DOCK9: variants seen among roughly 807,000 people sequenced by gnomAD.
DOCK9 encodes the protein dedicator of cytokinesis 9.
A neutral mutation model predicts 263.3 loss-of-function variants in DOCK9; 89 were observed. The observed-to-expected ratio is 0.34, with a 90% CI of 0.28 to 0.40. The LOEUF (loss-of-function observed/expected upper bound fraction) is 0.40. Ranked by LOEUF, DOCK9 falls within the 10% of genes least tolerant of loss-of-function variation. The pLI is 1.00. For synonymous variants in DOCK9, 976 were observed against 973.1 expected, an observed-to-expected ratio of 1.00 and a Z score of -0.06; for missense variants, 2,140 against 2,603.4, an observed-to-expected ratio of 0.82 and a Z score of 3.87.
intron 38 of DOCK9, among the ~76,000 whole-genome samples, chr13:98,844,858 A>G (rs1292509379): frequency 6.6e-6 from 1 of 152,236 alleles, no homozygotes; most frequent in African/African-American, 2.4e-5. Flanking sequence ...AAGAGGTGTG[A>G]AAAATCACAG....
chr13:99,021,009 A>G (rs900728946), intron 1 of DOCK9, among the ~76,000 whole-genome samples: 4 of 152,234 alleles, frequency 2.6e-5, no homozygotes, highest in African/African-American at 9.6e-5. Context: ...TCCATATCTG[A>G]CAGTCCATAT....
At chr13:98,942,642 G>A (rs2056133195) in intron 2 of DOCK9, among the ~76,000 whole-genome samples, 1 of 152,230 alleles carries the variant, frequency 6.6e-6, no homozygotes, top group South Asian at 2.1e-4. Flanking sequence ...GTCCATCACA[G>A]TTACGTGTTG....
chr13:98,939,001 C>T (rs1352718480), intron 2 of DOCK9, among the ~76,000 whole-genome samples: 2 of 152,172 alleles, frequency 1.3e-5, no homozygotes. Flanking sequence ...GGAGTGTCCT[C>T]CCTCAACAGA....
At chr13:98,958,250 T>G (rs1225736688) in intron 1 of DOCK9, among the ~76,000 whole-genome samples, 1 of 152,236 alleles carries the variant, frequency 6.6e-6, no homozygotes, top group Non-Finnish European at 1.5e-5. Context: ...TAAAAAGCCC[T>G]GCTGCCACCC....
chr13:98,951,647 A>G (rs1050675715), intron 2 of DOCK9, among the ~76,000 whole-genome samples: 5 of 152,176 alleles, frequency 3.3e-5, no homozygotes, highest in African/African-American at 4.8e-5. Flanking sequence ...CAGTGGGGGG[A>G]AAAGTTTCTG....
chr13:98,995,952 AG>A (rs1352657623), intron 1 of DOCK9, among the ~76,000 whole-genome samples: 1 of 152,138 alleles, frequency 6.6e-6, no homozygotes, highest in African/African-American at 2.4e-5. Context: ...GCAGTGGTCC[AG>A]GGGAGAACAG....
At chr13:99,015,258 G>T (rs921876859) in intron 1 of DOCK9, among the ~76,000 whole-genome samples, 13 of 152,118 alleles carry the variant, frequency 8.5e-5, no homozygotes, top group African/African-American at 3.1e-4. Context: ...TAGCTTTGAT[G>T]AATACATGGC....
At chr13:98,933,582 C>G (rs1447730023) in intron 2 of DOCK9, among the ~76,000 whole-genome samples, 1 of 152,196 alleles carries the variant, frequency 6.6e-6, no homozygotes, top group East Asian at 1.9e-4. Flanking sequence ...CAGACAGAGC[C>G]CTTTTTCTCC....
intron 1 of DOCK9, among the ~76,000 whole-genome samples, chr13:98,972,695 T>C (rs181517152): frequency 2.6e-5 from 4 of 152,336 alleles, no homozygotes; most frequent in African/African-American, 7.2e-5. Flanking sequence ...GCTATGCCTA[T>C]GTTAGCTGCT....
At chr13:99,006,053 ATG>A (rs1883285289) in intron 1 of DOCK9, among the ~76,000 whole-genome samples, 1 of 152,278 alleles carries the variant, frequency 6.6e-6, no homozygotes, top group South Asian at 2.1e-4. Flanking sequence ...AAAGATGGTT[ATG>A]TATACCATTT....
At chr13:99,039,312 TG>T (rs1888239724) in intron 1 of DOCK9, among the ~76,000 whole-genome samples, 1 of 151,884 alleles carries the variant, frequency 6.6e-6, no homozygotes, top group Non-Finnish European at 1.5e-5. Flanking sequence ...CTATAATTGA[TG>T]GGTGTGAAAA....
Position 98,837,593 on chromosome 13 carries a change from G to A in DOCK9, c.4215C>T (p.Asp1405=), listed in dbSNP as rs550887221. 21 of 1,612,718 alleles carry A rather than the reference G, an allele frequency of 1.3e-5. No homozygotes were observed. Among genetic ancestry groups the A allele is most frequent in the Admixed American group, 6.7e-5 (4 of 59,970 alleles). ...LTFNHSYGHS[D]ADVLHQSLLE... Reference sequence around the variant, plus strand: ...GTAATGACTGGTGCAGAACATCTGCGTCCGAGTGGCCATAGCCTGCATGAA... The same window carrying A: ...GTAATGACTGGTGCAGAACATCTGCATCCGAGTGGCCATAGCCTGCATGAA... Residue 1405 remains aspartate, a synonymous_variant, in exon 39 of 53, where the codon GAC becomes GAT. Coordinates refer to ENST00000682017, the MANE Select transcript of DOCK9 (RefSeq NM_001366683.2).
At chr13:99,075,970 C>T (rs1277233283) in intron 1 of DOCK9, among the ~76,000 whole-genome samples, 3 of 152,168 alleles carry the variant, frequency 2.0e-5, no homozygotes, top group Non-Finnish European at 4.4e-5. Context: ...AGTGTCATCA[C>T]ACCCAAGCGC....
chr13:98,874,113 A>G (rs1191358447), intron 27 of DOCK9, among the ~76,000 whole-genome samples: 2 of 152,232 alleles, frequency 1.3e-5, no homozygotes, highest in Non-Finnish European at 2.9e-5. Context: ...CCATCACCAC[A>G]GTCAAGAAGA....
intron 39 of DOCK9, chr13:98,834,722 C>A (rs1283879278): frequency 6.6e-6 from 1 of 152,174 alleles, no homozygotes; most frequent in Non-Finnish European, 1.5e-5. Context: ...ATAAAACAAA[C>A]CCTTTTATGT....
intron 1 of DOCK9, among the ~76,000 whole-genome samples, chr13:99,050,116 G>C (rs1265914924): frequency 6.6e-6 from 1 of 152,198 alleles, no homozygotes; most frequent in Non-Finnish European, 1.5e-5. Flanking sequence ...GTTGGATCCT[G>C]TCTAAAATTT....
At chr13:99,025,440 C>T (rs1178005907) in intron 1 of DOCK9, 3 of 152,218 alleles carry the variant, frequency 2.0e-5, no homozygotes, top group South Asian at 2.1e-4. Flanking sequence ...CAAGTCAAAA[C>T]GACAATGAGC....
intron 2 of DOCK9, among the ~76,000 whole-genome samples, chr13:98,948,632 TCAC>T: frequency 6.6e-6 from 1 of 152,318 alleles, no homozygotes; most frequent in East Asian, 1.9e-4. Context: ...TTTTCAACCA[TCAC>T]CACCATCCAT....
At chr13:99,083,883 T>C (rs1255557130) in intron 1 of DOCK9, among the ~76,000 whole-genome samples, 1 of 152,200 alleles carries the variant, frequency 6.6e-6, no homozygotes, top group African/African-American at 2.4e-5. Context: ...CACACATAGT[T>C]TAATTTTTTT....
Sources: gnomAD v4.1 joint callset for allele counts (sites outside exome capture counted in the v4.1 genomes callset) on GRCh38, gnomAD v4.1.1 for gene constraint, MANE v1.5 for transcripts, NCBI Gene and HGNC (gene_info 2026-07-23, HGNC 2026-07-21) for gene names.